The following C3 variants were observed in gnomAD, a reference collection of about 807,000 sequenced individuals.
The protein encoded by C3 is complement C3.
In C3, 97 loss-of-function variants were observed where a neutral mutation model predicts 207.9. The ratio of observed to expected loss-of-function variants is 0.47; its 90% CI spans 0.40 to 0.55. The LOEUF is 0.55. Among genes scored for constraint, C3 ranks in the 20% least tolerant of loss-of-function variants. The pLI, the probability that C3 is intolerant of heterozygous loss-of-function variation, is 0.00. For synonymous variants in C3, 848 were observed against 857.6 expected (o/e 0.99, Z 0.20); for missense variants, 1,684 against 2,171.7 (o/e 0.78, Z 4.46).
chr19:6,686,076 C>T (rs371683176), intron 29 of C3, 48 bp downstream of exon 29: 44 of 1,599,864 alleles, frequency 2.8e-5, no homozygotes, highest in Non-Finnish European at 3.7e-5. Flanking sequence ...CAGTGGGAAG[C>T]CGCAGGAGAC....
At chr19:6,684,692 C>G (rs1193017712) in intron 31 of C3, 42 bp from the exon 32 acceptor site, 1 of 1,602,210 alleles carries the variant, frequency 6.2e-7, no homozygotes, top group Non-Finnish European at 8.6e-7. Context: ...GCCCACAGGA[C>G]TAGGACTGCT....
At position 6,682,004 on chromosome 19, in the gene C3, G is replaced by A; in HGVS notation, c.4287C>T (p.Ile1429=). The change falls in exon 35 of 41, where the codon ATC becomes ATT. Residue 1429 remains isoleucine, a synonymous_variant. Transcript: ENST00000245907. The part of the protein sequence containing the change: ...KQLANGVDRY[I]SKYELDKAFS... ...AGGCTTTGTCCAGCTCATACTTGGA[G>A]ATGTATCTGTCAACACCATTGGCCA... 2 of 1,614,144 alleles carry A rather than the reference G, an allele frequency of 1.2e-6. No homozygotes were observed. The highest frequency in any genetic ancestry group is 1.7e-6 in the Non-Finnish European group (2 of 1,179,970).
At position 6,697,049 on chromosome 19, in the gene C3, T is replaced by TAAAATAA. The variant is rs202245108; in HGVS notation, c.2796+294_2796+295insTTATTTT. Among the ~76,000 whole-genome samples the TAAAATAA allele has an allele frequency of 1.1e-4, 10 of 91,550 alleles. 1 individual carries two copies. In the Admixed American group the frequency reaches 1.2e-3, roughly 11 times the overall value. 60.1% of individuals were successfully genotyped at this position (91,550 alleles called of 152,430 possible). ...AGAGTGAGACTCTGTCTCAAAAAAATAAACAAACAAATAAATAAATAAATA... is the reference window on the plus strand; with the variant it reads ...AGAGTGAGACTCTGTCTCAAAAAAATAAAATAAAAACAAACAAATAAATAAATAAATA... On this transcript the variant is annotated intron_variant, in intron 21 of 40. Coordinates refer to ENST00000245907, the MANE Select transcript of C3 (RefSeq NM_000064.4).
At position 6,686,228 on chromosome 19, in the gene C3, C is replaced by T. The variant is rs1348868639; in HGVS notation, c.3706G>A (p.Ala1236Thr). 1 of 1,614,070 alleles carries T rather than the reference C, an allele frequency of 6.2e-7. No individual in the cohort carries two copies. The highest frequency in any genetic ancestry group is 8.5e-7 in the Non-Finnish European group (1 of 1,180,042). The change falls in exon 29 of 41, where the codon GCC becomes ACC. Residue 1236 changes from alanine (A) to threonine (T), a missense_variant. By Grantham distance (58) the Ala-to-Thr change is moderately conservative. This residue lies in a region of C3 where 1,280 missense variants were observed against 1,739.1 expected (regional missense o/e 0.74). Transcript: ENST00000245907. The part of the protein sequence containing the change: ...QLYNVEATSY[A>T]LLALLQLKDF... Reference sequence around the variant, plus strand: ...TTTAGCTGCAGTAGGGCCAAGAGGGCATAGGATGTGGCCTCCACGTTGTAG... The same window carrying T: ...TTTAGCTGCAGTAGGGCCAAGAGGGTATAGGATGTGGCCTCCACGTTGTAG...
Position 6,686,735 on chromosome 19 carries a change from C to A in C3, c.3646+11G>T, listed in dbSNP as rs1918018027. 1 of 1,613,226 alleles carries A rather than the reference C, an allele frequency of 6.2e-7. No individual in the cohort carries two copies. Among genetic ancestry groups the A allele is most frequent in the Non-Finnish European group, 8.5e-7 (1 of 1,179,974 alleles). On this transcript the variant is annotated intron_variant, in intron 28 of 40. Coordinates refer to ENST00000245907, the MANE Select transcript of C3 (RefSeq NM_000064.4). ...ATGCATCTCCCTTCACCCCTCCAGG[C>A]CAACCCTCACCTTTGGCTGTGGTCA...
In C3 at chr19:6,684,394, C is replaced by T; in HGVS notation, c.4166G>A (p.Cys1389Tyr). 6.2e-7 allele frequency: 1 copy of T among 1,613,764 alleles called. No individual in the cohort carries two copies. The highest frequency in any genetic ancestry group is 8.5e-7 in the Non-Finnish European group (1 of 1,179,654). The change falls in exon 33 of 41, where the codon TGT becomes TAT. Residue 1389 changes from cysteine (C) to tyrosine (Y), a missense_variant. Physicochemically the swap from Cys to Tyr is radical, Grantham distance 194. Around this residue, in one of 3 missense-constraint regions of C3, gnomAD observed 346 missense variants for 380.1 expected, o/e 0.91. Transcript: ENST00000245907. ...CGGTGACCTAGCTTCTTACCTGGTA[C>T]AGATCTCAAGGATCATAGTGTTCTT... ...DAKNTMILEI[C>Y]TRYRGDQDAT...
chr19:6,709,660 C>G lies in C3; in HGVS notation c.1845+24G>C, dbSNP rs1289766265. 3.1e-6 allele frequency: 5 copies of G among 1,607,786 alleles called. No homozygotes were observed. In the African/African-American group the frequency reaches 6.7e-5, roughly 22 times the overall value. On this transcript the variant is annotated intron_variant, in intron 14 of 40. Coordinates refer to ENST00000245907, the MANE Select transcript of C3 (RefSeq NM_000064.4). ...GCTCCGTGCCTCCGCCTCTTCTCAG[C>G]AGCCTTGGGTCACTGGCCCTTACCT...
chr19:6,698,369 A>G (rs1967584698), intron 19 of C3, among the ~76,000 whole-genome samples: 1 of 152,116 alleles, frequency 6.6e-6, no homozygotes, highest in South Asian at 2.1e-4. Context: ...TCAGAGATCT[A>G]CGTGTAGGGA....
At position 6,690,699 on chromosome 19, in the gene C3, T is replaced by G; in HGVS notation, c.3419A>C (p.Asp1140Ala). Reference protein sequence around the residue: ...IGGLRNNNEKDMALTAFVLIS... With the variant: ...IGGLRNNNEKAMALTAFVLIS... Reference sequence around the variant, plus strand: ...GAGAACAAAGGCCGTGAGGGCCATGTCTTTCTCGTTGTTGTTCCGTAATCC... The same window carrying G: ...GAGAACAAAGGCCGTGAGGGCCATGGCTTTCTCGTTGTTGTTCCGTAATCC... The change falls in exon 27 of 41, where the codon GAC becomes GCC. Residue 1140 changes from aspartate (D) to alanine (A), a missense_variant. Transcript: ENST00000245907. The G allele has an allele frequency of 1.2e-6, 2 of 1,614,214 alleles. No individual in the cohort carries two copies. Among genetic ancestry groups the G allele is most frequent in the Non-Finnish European group, 1.7e-6 (2 of 1,180,014 alleles).
At chr19:6,687,895 C>T (rs1156521788) in intron 27 of C3, among the ~76,000 whole-genome samples, 3 of 146,192 alleles carry the variant, frequency 2.1e-5, no homozygotes, top group Non-Finnish European at 1.5e-5. Flanking sequence ...CTTGCTCTGT[C>T]GCCCACGCTG....
rs1442591869 is a variant in C3, at chr19:6,719,973, G to A, written c.74+543C>T. On this transcript the variant is annotated intron_variant, in intron 1 of 40. Coordinates refer to ENST00000245907, the MANE Select transcript of C3 (RefSeq NM_000064.4). This position sits in a 1 kb window ranked among gnomAD's most constrained non-coding sequence, Gnocchi z 5.4. ...TGCCCCAACTATACATGAACCCGAA[G>A]TAGCCAATCTTTAAACCCACACTGA... Among the ~76,000 whole-genome samples the A allele has an allele frequency of 6.6e-6, 1 of 151,956 alleles. No individual in the cohort carries two copies. The highest frequency in any genetic ancestry group is 2.4e-5 in the African/African-American group (1 of 41,340).
At chr19:6,692,432 A>G (rs11569495) in intron 26 of C3, among the ~76,000 whole-genome samples, 16,052 of 151,932 alleles carry the variant, frequency 0.11, 1,023 homozygotes, top group Non-Finnish European at 0.13. Flanking sequence ...AATCACCCCA[A>G]CTGCTATGTG....
At chr19:6,705,738 A>C (rs1159112539) in intron 17 of C3, among the ~76,000 whole-genome samples, 1 of 151,106 alleles carries the variant, frequency 6.6e-6, no homozygotes, top group East Asian at 2.0e-4. Context: ...GCAGTGGCAC[A>C]ATCTCAGCTC....
intron 25 of C3, 28 bp downstream of exon 25, chr19:6,693,384 A>T: frequency 6.3e-6 from 10 of 1,595,420 alleles, no homozygotes; most frequent in Non-Finnish European, 7.7e-6. Context: ...GGGAGTATGC[A>T]TGGCCTGAGC....
intron 27 of C3, among the ~76,000 whole-genome samples, chr19:6,689,536 T>G (rs1386111082): frequency 6.6e-6 from 1 of 151,952 alleles, no homozygotes; most frequent in African/African-American, 2.4e-5. Flanking sequence ...AGCTAAACGT[T>G]AAACAACCCA....
intron 25 of C3, 122 bp from the exon 26 acceptor site, chr19:6,693,205 G>A: frequency 7.9e-7 from 1 of 1,264,304 alleles, no homozygotes; most frequent in South Asian, 1.2e-5. Context: ...TGCCTTCCCA[G>A]GCCCCAGGAC....
At chr19:6,707,001 T>G in intron 17 of C3, 75 bp downstream of exon 17, 4 of 258,566 alleles carry the variant, frequency 1.5e-5, no homozygotes, top group Non-Finnish European at 2.6e-5. Flanking sequence ...AGACAGGGCA[T>G]CCTCCCTCCT....
Position 6,707,335 on chromosome 19 carries a change from G to A in C3, c.2048-62C>T, listed in dbSNP as rs1967803037. 8.1e-6 allele frequency: 13 copies of A among 1,598,732 alleles called. No homozygotes were observed. The South Asian group carries it at 1.3e-4, about 16-fold the overall frequency. ...GCCGGGGGCCGGCAGCAGGAGGGAC[G>A]CGGGACGGACCCCAGGGAGGACTTC... On this transcript the variant is annotated intron_variant, in intron 16 of 40. Coordinates refer to ENST00000245907, the MANE Select transcript of C3 (RefSeq NM_000064.4).
At chr19:6,704,937 C>T (rs1280344945) in intron 17 of C3, among the ~76,000 whole-genome samples, 1 of 151,804 alleles carries the variant, frequency 6.6e-6, no homozygotes, top group Non-Finnish European at 1.5e-5. Flanking sequence ...CAAAGTCTCA[C>T]TACGCTGCCC....
Sources: gnomAD v4.1 joint callset for allele counts (sites outside exome capture counted in the v4.1 genomes callset) on GRCh38, gnomAD v4.1.1 for gene constraint, gnomAD v4.1.1 regional missense constraint, Gnocchi (gnomAD v3.1) non-coding constraint, MANE v1.5 for transcripts, NCBI Gene and HGNC (gene_info 2026-07-23, HGNC 2026-07-21) for gene names.